Variants in ITSN1 observed in about 807,000 individuals in gnomAD.
ITSN1 encodes intersectin 1.
In ITSN1, 58 loss-of-function variants were observed where a neutral mutation model predicts 239.8. That is an observed-to-expected ratio of 0.24 (90% CI 0.20 to 0.30). The LOEUF (loss-of-function observed/expected upper bound fraction) is 0.30, where lower values mean the gene tolerates loss of function less well. Among genes scored for constraint, ITSN1 ranks in the 10% least tolerant of loss-of-function variants. The probability of loss-of-function intolerance (pLI) is 1.00; values close to 1 mark genes in which losing one functional copy is unlikely to be tolerated. For synonymous variants in ITSN1, 780 were observed against 770.8 expected, an observed-to-expected ratio of 1.01 and a Z score of -0.20; for missense variants, 1,558 against 2,103.3, an observed-to-expected ratio of 0.74 and a Z score of 5.07.
chr21:33,806,097 GC>G (rs1437435795), intron 20 of ITSN1, among the ~76,000 whole-genome samples: 1 of 148,544 alleles, frequency 6.7e-6, no homozygotes, highest in Non-Finnish European at 1.5e-5. Flanking sequence ...TGTAGTCCCA[GC>G]TACTCGGGAG....
chr21:33,713,443 C>T (rs2092473118), intron 1 of ITSN1, among the ~76,000 whole-genome samples: 1 of 151,990 alleles, frequency 6.6e-6, no homozygotes, highest in South Asian at 2.1e-4. Context: ...GGGGTTTCAC[C>T]ATGTTAGCCA....
intron 4 of ITSN1, among the ~76,000 whole-genome samples, chr21:33,723,850 A>G (rs1300178793): frequency 1.3e-5 from 2 of 152,242 alleles, no homozygotes; most frequent in African/African-American, 4.8e-5. Context: ...CCAAAAAGGT[A>G]TCATCTCCAG....
At chr21:33,860,004 G>A (rs905790019) in intron 31 of ITSN1, among the ~76,000 whole-genome samples, 1 of 152,178 alleles carries the variant, frequency 6.6e-6, no homozygotes, top group African/African-American at 2.4e-5. Flanking sequence ...GGGCCTCAGT[G>A]TTCTCGTCTA....
intron 6 of ITSN1, among the ~76,000 whole-genome samples, chr21:33,750,566 A>C (rs1308807997): frequency 6.6e-6 from 1 of 152,246 alleles, no homozygotes; most frequent in Non-Finnish European, 1.5e-5. Context: ...AGGTGAGCTC[A>C]GCAGTGAAAG....
At chr21:33,794,238 C>T (rs1359718821) in intron 16 of ITSN1, 103 bp from the exon 17 acceptor site, 1 of 841,456 alleles carries the variant, frequency 1.2e-6, no homozygotes, top group Non-Finnish European at 1.9e-6. Flanking sequence ...ACGTTATCTC[C>T]TAAGTGTCCT....
chr21:33,660,610 C>CGT (rs1300132044), intron 1 of ITSN1, among the ~76,000 whole-genome samples: 2 of 152,166 alleles, frequency 1.3e-5, no homozygotes, highest in East Asian at 3.9e-4. Flanking sequence ...TGTTGTGAAA[C>CGT]GTTGTTTTGG....
chr21:33,801,275 T>C (rs2071982787), intron 19 of ITSN1, among the ~76,000 whole-genome samples: 1 of 152,208 alleles, frequency 6.6e-6, no homozygotes, highest in African/African-American at 2.4e-5. Flanking sequence ...CAGGTGATTT[T>C]ACTATTACTC....
intron 1 of ITSN1, among the ~76,000 whole-genome samples, chr21:33,668,873 T>G (rs556844957): frequency 6.6e-6 from 1 of 152,272 alleles, no homozygotes; most frequent in East Asian, 1.9e-4. Flanking sequence ...CCGTCCTGCT[T>G]CTTTGAAAAC....
chr21:33,729,509 T>C (rs1423374624), intron 4 of ITSN1, among the ~76,000 whole-genome samples: 1 of 151,230 alleles, frequency 6.6e-6, no homozygotes, highest in African/African-American at 2.4e-5. Flanking sequence ...CCAAAAAGTA[T>C]CTGAGACAAG....
intron 5 of ITSN1, among the ~76,000 whole-genome samples, chr21:33,741,894 C>CAAAAAAA (rs57036929): frequency 1.3e-5 from 1 of 74,140 alleles, no homozygotes; most frequent in Non-Finnish European, 2.5e-5. Context: ...GATTCCGTCT[C>CAAAAAAA]AAAAAAAAAA....
At chr21:33,861,766 G>A (rs1980576849) in intron 31 of ITSN1, among the ~76,000 whole-genome samples, 1 of 151,902 alleles carries the variant, frequency 6.6e-6, no homozygotes, top group African/African-American at 2.4e-5. Context: ...ATAACACGGT[G>A]AAACCCCACA....
intron 2 of ITSN1, 35 bp downstream of exon 2, chr21:33,718,891 T>G: frequency 6.4e-7 from 1 of 1,570,292 alleles, no homozygotes; most frequent in East Asian, 2.2e-5. Context: ...TTAATGTACT[T>G]TGGGACCAGA....
At chr21:33,824,924 A>G (rs2073896317) in intron 25 of ITSN1, among the ~76,000 whole-genome samples, 1 of 152,186 alleles carries the variant, frequency 6.6e-6, no homozygotes, top group Non-Finnish European at 1.5e-5. Context: ...CAGCTGGCAT[A>G]TTGGACTTTT....
intron 3 of ITSN1, among the ~76,000 whole-genome samples, chr21:33,722,328 T>C (rs931621490): frequency 1.3e-5 from 2 of 152,244 alleles, no homozygotes; most frequent in African/African-American, 4.8e-5. Context: ...TCTTAGTTAA[T>C]AGCAGATTAA....
Position 33,725,127 on chromosome 21 carries a change from T to G in ITSN1, c.185+2476T>G, listed in dbSNP as rs1170677295. 1.4e-4 allele frequency among the ~76,000 whole-genome samples: 17 copies of G among 125,304 alleles called. No individual in the cohort carries two copies. In the East Asian group the frequency reaches 1.4e-3, roughly 10 times the overall value. The allele number at this position is 125,304 out of a possible 152,430, so 82.2% of individuals were successfully genotyped here. A position where few individuals can be genotyped will look rare whatever the true frequency, so the allele number is the denominator to read the frequency against. ...TTTAAAAAAAAAAAAAAAATTTTTT[T>G]TTTTTGTTTTTTTTTTTTTTTTTTT... On this transcript the variant is annotated intron_variant, in intron 4 of 39. Transcript: ENST00000381318.
chr21:33,706,771 G>A (rs1387656307), intron 1 of ITSN1, among the ~76,000 whole-genome samples: 4 of 151,144 alleles, frequency 2.6e-5, no homozygotes, highest in Non-Finnish European at 5.9e-5. Context: ...TATTTTTTTT[G>A]GCGTGCTGTT....
At chr21:33,671,082 C>T (rs2090245841) in intron 1 of ITSN1, among the ~76,000 whole-genome samples, 1 of 152,180 alleles carries the variant, frequency 6.6e-6, no homozygotes, top group South Asian at 2.1e-4. Context: ...ACATTACTAT[C>T]TAGAGAAACA....
intron 8 of ITSN1, among the ~76,000 whole-genome samples, chr21:33,760,557 C>T (rs2068241142): frequency 6.6e-6 from 1 of 152,170 alleles, no homozygotes; most frequent in Non-Finnish European, 1.5e-5. Flanking sequence ...CTCATTGCCC[C>T]AATGGATCAT....
At chr21:33,831,497 G>T (rs534247092) in intron 27 of ITSN1, among the ~76,000 whole-genome samples, 3 of 152,200 alleles carry the variant, frequency 2.0e-5, no homozygotes, top group East Asian at 1.9e-4. Flanking sequence ...ATGGAACTAC[G>T]TAAGTTTGAG....
Sources: allele counts gnomAD v4.1 joint callset (sites outside exome capture counted in the v4.1 genomes callset), GRCh38; gene constraint gnomAD v4.1.1; transcripts MANE v1.5; gene names NCBI Gene and HGNC (gene_info 2026-07-23, HGNC 2026-07-21).